DLC1: variants seen among roughly 807,000 people sequenced by gnomAD.
DLC1 encodes the protein DLC1 Rho GTPase activating protein.
In DLC1, 54 loss-of-function variants were observed where a neutral mutation model predicts 140.3. That is an observed-to-expected ratio of 0.38 (90% CI 0.31 to 0.48). The LOEUF (loss-of-function observed/expected upper bound fraction) is 0.48. DLC1 is among the 20% of genes least tolerant of loss of function. The pLI, the probability that DLC1 is intolerant of heterozygous loss-of-function variation, is 0.96. For missense variants in DLC1, 2,536 were observed against 1,907.0 expected, an observed-to-expected ratio of 1.33 and a Z score of -6.14; for synonymous variants, 986 against 728.1, an observed-to-expected ratio of 1.35 and a Z score of -5.70.
intron 5 of DLC1, among the ~76,000 whole-genome samples, chr8:13,248,726 A>G (rs1020115323): frequency 2.0e-5 from 3 of 151,786 alleles, no homozygotes; most frequent in African/African-American, 7.3e-5. Context: ...CTTCCATCCC[A>G]TGTCTCCCTC....
chr8:13,327,595 G>T (rs1833420972), intron 4 of DLC1, among the ~76,000 whole-genome samples: 2 of 151,868 alleles, frequency 1.3e-5, no homozygotes, highest in Non-Finnish European at 1.5e-5. Flanking sequence ...TAGGATTATA[G>T]GCTTAAGCCA....
chr8:13,301,052 G>A (rs145516265), intron 5 of DLC1, among the ~76,000 whole-genome samples: 1 of 152,156 alleles, frequency 6.6e-6, no homozygotes, highest in Non-Finnish European at 1.5e-5. Context: ...GAACCCAGGC[G>A]CCTAGCTGGC....
At chr8:13,604,174 TA>T (rs1478629907) in intron 1 of DLC1, among the ~76,000 whole-genome samples, 1 of 152,150 alleles carries the variant, frequency 6.6e-6, no homozygotes, top group East Asian at 1.9e-4. Flanking sequence ...TCATCTCCTT[TA>T]AATTTAACAA....
At chr8:13,212,841 A>G (rs1245295724) in intron 5 of DLC1, among the ~76,000 whole-genome samples, 1 of 152,218 alleles carries the variant, frequency 6.6e-6, no homozygotes, top group Non-Finnish European at 1.5e-5. Flanking sequence ...GCAGAAGTCC[A>G]GAAATGTTTT....
intron 5 of DLC1, among the ~76,000 whole-genome samples, chr8:13,267,018 C>G (rs1830715470): frequency 6.6e-6 from 1 of 152,300 alleles, no homozygotes; most frequent in African/African-American, 2.4e-5. Context: ...CAGCCACGAG[C>G]TACACATGAG....
chr8:13,514,456 A>G (rs1802514844), intron 1 of DLC1, 146 bp downstream of exon 1: 2 of 396,582 alleles, frequency 5.0e-6, no homozygotes, highest in African/African-American at 4.1e-5. Context: ...TTTTCTACTT[A>G]TCAAACATTT....
intron 5 of DLC1, among the ~76,000 whole-genome samples, chr8:13,212,758 A>G (rs757458567): frequency 2.0e-5 from 3 of 152,162 alleles, no homozygotes; most frequent in African/African-American, 7.2e-5. Context: ...TTAATCCTTC[A>G]GTTATCTCTG....
chr8:13,107,455 T>C (rs1020204194), intron 7 of DLC1, among the ~76,000 whole-genome samples: 4 of 152,188 alleles, frequency 2.6e-5, no homozygotes, highest in Non-Finnish European at 5.9e-5. Context: ...TTGTAAAATG[T>C]TTAAGCTGAA....
chr8:13,511,858 G>A (rs948379221), intron 1 of DLC1, among the ~76,000 whole-genome samples: 3 of 151,818 alleles, frequency 2.0e-5, no homozygotes, highest in Non-Finnish European at 4.4e-5. Context: ...TTTTCAAGAG[G>A]AAACAAAAAA....
intron 4 of DLC1, among the ~76,000 whole-genome samples, chr8:13,387,617 C>T (rs968689369): frequency 3.3e-5 from 5 of 151,930 alleles, no homozygotes; most frequent in African/African-American, 1.2e-4. Context: ...ATTGAAATTA[C>T]TAAGGGAAAA....
chr8:13,114,216 G>T (rs531318142), intron 6 of DLC1, among the ~76,000 whole-genome samples: 1 of 152,138 alleles, frequency 6.6e-6, no homozygotes, highest in Non-Finnish European at 1.5e-5. Context: ...ACAAAAATTG[G>T]CCGGGCATGG....
intron 4 of DLC1, among the ~76,000 whole-genome samples, chr8:13,316,810 G>A (rs1193071368): frequency 6.6e-6 from 1 of 152,150 alleles, no homozygotes; most frequent in Non-Finnish European, 1.5e-5. Flanking sequence ...CCAACTGACT[G>A]CAGTATCCCT....
chr8:13,321,475 T>C (rs149272768), intron 4 of DLC1, among the ~76,000 whole-genome samples: 1,520 of 129,652 alleles, frequency 0.012, 10 homozygotes, highest in South Asian at 0.024. Flanking sequence ...GAGGCAGAAG[T>C]TGCAGTGAGC....
chr8:13,124,735 C>T (rs1821409309), intron 5 of DLC1, among the ~76,000 whole-genome samples: 1 of 152,180 alleles, frequency 6.6e-6, no homozygotes, highest in African/African-American at 2.4e-5. Context: ...TGTAAATTCC[C>T]TAAGTTTTTG....
chr8:13,184,837 A>T (rs144967936), intron 5 of DLC1, among the ~76,000 whole-genome samples: 2,693 of 152,276 alleles, frequency 0.018, 77 homozygotes, highest in African/African-American at 0.061. Context: ...AGCTGAGTTC[A>T]AGTCCTGGAT....
chr8:13,547,062 A>T (rs1196073366), intron 1 of DLC1, among the ~76,000 whole-genome samples: 1 of 152,124 alleles, frequency 6.6e-6, no homozygotes, highest in Non-Finnish European at 1.5e-5. Flanking sequence ...TTTTTATTGC[A>T]TGCGACTGCT....
chr8:13,539,235 T>C (rs1803403442), intron 1 of DLC1, among the ~76,000 whole-genome samples: 1 of 151,806 alleles, frequency 6.6e-6, no homozygotes, highest in Non-Finnish European at 1.5e-5. Flanking sequence ...AGTCTCGCTC[T>C]GTTGCCCAGG....
chr8:13,449,846 C>T (rs1177623479), intron 2 of DLC1, among the ~76,000 whole-genome samples: 1 of 151,976 alleles, frequency 6.6e-6, no homozygotes, highest in Non-Finnish European at 1.5e-5. Context: ...TTCCATTTTG[C>T]ATCTTGGTGG....
chr8:13,427,945 G>C (rs964538671), intron 2 of DLC1, among the ~76,000 whole-genome samples: 4 of 152,252 alleles, frequency 2.6e-5, no homozygotes, highest in Non-Finnish European at 4.4e-5. Flanking sequence ...CACTCTGACT[G>C]CTTGACCATC....
Sources: allele counts gnomAD v4.1 joint callset (sites outside exome capture counted in the v4.1 genomes callset), GRCh38; gene constraint gnomAD v4.1.1; transcripts MANE v1.5; gene names NCBI Gene and HGNC (gene_info 2026-07-23, HGNC 2026-07-21).